Variants in CDK13 observed in about 807,000 individuals in gnomAD.
CDK13 encodes the protein cyclin-dependent kinase 13.
Under a neutral mutation model 137.6 loss-of-function variants are expected in CDK13, and 40 were observed. The ratio of observed to expected loss-of-function variants is 0.29; its 90% CI spans 0.23 to 0.38. The LOEUF (loss-of-function observed/expected upper bound fraction) is 0.38. Ranked by LOEUF, CDK13 falls within the 10% of genes least tolerant of loss-of-function variation. The probability of loss-of-function intolerance (pLI) is 1.00; values close to 1 mark genes in which losing one functional copy is unlikely to be tolerated. For missense variants in CDK13, 1,704 were observed against 1,951.8 expected (o/e 0.87, Z 2.39); for synonymous variants, 869 against 760.1 (o/e 1.14, Z -2.36).
At chr7:40,053,368 C>T (rs1379286185) in intron 7 of CDK13, among the ~76,000 whole-genome samples, 1 of 152,108 alleles carries the variant, frequency 6.6e-6, no homozygotes, top group Non-Finnish European at 1.5e-5. Context: ...TTAAAGGTTT[C>T]CAGTCACCTC....
At chr7:39,990,890 A>G (rs1293440271) in intron 2 of CDK13, among the ~76,000 whole-genome samples, 1 of 152,262 alleles carries the variant, frequency 6.6e-6, no homozygotes. Context: ...TGGAAATACT[A>G]CAGATATTTA....
At chr7:40,027,079 C>T (rs1785258589) in intron 5 of CDK13, among the ~76,000 whole-genome samples, 2 of 152,156 alleles carry the variant, frequency 1.3e-5, no homozygotes, top group South Asian at 4.1e-4. Flanking sequence ...TGCAGTGGCT[C>T]ATGCTTGTAA....
chr7:40,011,439 C>T (rs989414603), intron 5 of CDK13, among the ~76,000 whole-genome samples: 6 of 152,218 alleles, frequency 3.9e-5, no homozygotes, highest in Admixed American at 6.5e-5. Context: ...TTATGATAAA[C>T]GTATAGATCA....
At chr7:40,021,592 CAT>C (rs1259962568) in intron 5 of CDK13, among the ~76,000 whole-genome samples, 1 of 152,146 alleles carries the variant, frequency 6.6e-6, no homozygotes, top group African/African-American at 2.4e-5. Context: ...GTAGAACCAA[CAT>C]ACTTTTTTTT....
At chr7:39,952,089 A>G in intron 1 of CDK13, 1 of 392,158 alleles carries the variant, frequency 2.5e-6, no homozygotes, top group Non-Finnish European at 4.5e-6. Flanking sequence ...GGCAGGGAAG[A>G]TTTCTAAGGA....
chr7:39,989,782 T>TC lies in CDK13; in HGVS notation c.1871+1526dup, dbSNP rs1434241824. 1.1e-3 allele frequency among the ~76,000 whole-genome samples: 166 copies of TC among 150,938 alleles called. 1 individual carries two copies. Among genetic ancestry groups the TC allele is most frequent in the African/African-American group, 3.9e-3 (160 of 41,100 alleles). ...TTGAGACTGGTGTTTCTCTACTTTATCCTTTTTTTTTTTTTTTTGAGACGG... is the reference window on the plus strand; with the variant it reads ...TTGAGACTGGTGTTTCTCTACTTTATCCCTTTTTTTTTTTTTTTTGAGACGG... On this transcript the variant is annotated intron_variant, in intron 2 of 13. Transcript: ENST00000181839.
rs1786951114 is a variant in CDK13, at chr7:40,092,662, A to G, written c.3236-123A>G. The G allele has an allele frequency of 4.5e-6, 3 of 668,728 alleles. No individual in the cohort carries two copies. The East Asian group carries it at 8.1e-5, about 18-fold the overall frequency. 41.4% of individuals were successfully genotyped at this position (668,728 alleles called of 1,614,324 possible). A position where few individuals can be genotyped will look rare whatever the true frequency, so the allele number is the denominator to read the frequency against. ...ACTAGACTTGAGGTTCTCTTTTTAC[A>G]GTATTTCTTAAATACTCTCCCTCAA... is the stretch of plus-strand genomic sequence containing the variant. On this transcript the variant is annotated intron_variant, in intron 12 of 13. Transcript: ENST00000181839.
At chr7:39,980,950 C>A (rs1487528091) in intron 1 of CDK13, among the ~76,000 whole-genome samples, 2 of 152,106 alleles carry the variant, frequency 1.3e-5, no homozygotes, top group Non-Finnish European at 2.9e-5. Flanking sequence ...TTTGGGAAAA[C>A]CTGTTAGAAA....
chr7:39,992,115 A>ATG (rs1562716726), intron 2 of CDK13, among the ~76,000 whole-genome samples: 1 of 113,718 alleles, frequency 8.8e-6, no homozygotes, highest in African/African-American at 6.6e-5. Flanking sequence ...GCACACACAC[A>ATG]CACAAGCACA....
rs1290987612 is a variant in CDK13, at chr7:40,088,347, A to G, written c.3235+16A>G. Reference sequence around the variant, plus strand: ...GTGGCACCTGGTCAGTAATGCTTCCATGGGTTGGTTTTCTTCACATTGTTT... The same window carrying G: ...GTGGCACCTGGTCAGTAATGCTTCCGTGGGTTGGTTTTCTTCACATTGTTT... On this transcript the variant is annotated intron_variant, in intron 12 of 13. Transcript: ENST00000181839. 3 of 1,597,508 alleles carry G rather than the reference A, an allele frequency of 1.9e-6. No individual in the cohort carries two copies. Among genetic ancestry groups the G allele is most frequent in the African/African-American group, 2.7e-5 (2 of 74,638 alleles).
chr7:40,026,018 C>A (rs530507975), intron 5 of CDK13, among the ~76,000 whole-genome samples: 45 of 152,268 alleles, frequency 3.0e-4, no homozygotes, highest in African/African-American at 1.1e-3. Context: ...GGCTGTCTTT[C>A]CTTGCACCCC....
chr7:40,095,660 G>GA lies in CDK13; in HGVS notation c.*681dup, dbSNP rs1787032282. On this transcript the variant is annotated 3_prime_UTR_variant, in exon 14 of 14. Coordinates refer to ENST00000181839, the MANE Select transcript of CDK13 (RefSeq NM_003718.5). ...ATATGAAAACTATGGGTGGGGTGGG[G>GA]AGGGAAAGTAAGTGCCTTAACAGGT... 1 of 151,028 alleles carries GA rather than the reference G, an allele frequency of 6.6e-6. No homozygotes were observed. The highest frequency in any genetic ancestry group is 1.5e-5 in the Non-Finnish European group (1 of 67,700). The allele number at this position is 151,028 out of a possible 1,614,324, so 9.4% of individuals were successfully genotyped here. A position where few individuals can be genotyped will look rare whatever the true frequency, so the allele number is the denominator to read the frequency against.
At chr7:40,006,503 T>A (rs1188755639) in intron 5 of CDK13, among the ~76,000 whole-genome samples, 1 of 152,132 alleles carries the variant, frequency 6.6e-6, no homozygotes, top group Non-Finnish European at 1.5e-5. Flanking sequence ...ATATTAAACA[T>A]TTTAGTGCTG....
At chr7:40,088,853 A>G (rs1037912300) in intron 12 of CDK13, among the ~76,000 whole-genome samples, 2 of 151,342 alleles carry the variant, frequency 1.3e-5, no homozygotes, top group Non-Finnish European at 2.9e-5. Context: ...ACTGAGGCGG[A>G]TGGATCACCT....
intron 5 of CDK13, among the ~76,000 whole-genome samples, chr7:40,040,072 C>A: frequency 6.7e-6 from 1 of 149,524 alleles, no homozygotes; most frequent in East Asian, 2.0e-4. Context: ...ATTGCAATGG[C>A]ACAATCTCAG....
intron 7 of CDK13, among the ~76,000 whole-genome samples, chr7:40,053,798 AACTT>A (rs753774134): frequency 1.1e-4 from 16 of 151,960 alleles, no homozygotes; most frequent in Non-Finnish European, 1.8e-4. Context: ...GGAAAGAACA[AACTT>A]AACTAACGTT....
At chr7:40,023,567 T>C (rs906252539) in intron 5 of CDK13, among the ~76,000 whole-genome samples, 2 of 151,764 alleles carry the variant, frequency 1.3e-5, no homozygotes, top group East Asian at 3.9e-4. Context: ...TGGCATGATC[T>C]CGGCTCACTG....
intron 7 of CDK13, among the ~76,000 whole-genome samples, chr7:40,053,238 T>C (rs914984213): frequency 2.0e-5 from 3 of 152,220 alleles, no homozygotes; most frequent in African/African-American, 7.2e-5. Context: ...CCAGACCTTT[T>C]GTTTATTGGA....
At chr7:40,032,245 A>AT (rs35002500) in intron 5 of CDK13, among the ~76,000 whole-genome samples, 1 of 152,080 alleles carries the variant, frequency 6.6e-6, no homozygotes, top group Non-Finnish European at 1.5e-5. Context: ...TTTTAAAAAT[A>AT]TTTTTTGGAG....
Sources: gnomAD v4.1 joint callset for allele counts (sites outside exome capture counted in the v4.1 genomes callset) on GRCh38, gnomAD v4.1.1 for gene constraint, MANE v1.5 for transcripts, NCBI Gene and HGNC (gene_info 2026-07-23, HGNC 2026-07-21) for gene names.